The following ZFYVE26 variants were observed in gnomAD, a reference collection of about 807,000 sequenced individuals.
ZFYVE26 encodes zinc finger FYVE domain-containing protein 26.
In ZFYVE26, 181 loss-of-function variants were observed where a neutral mutation model predicts 276.5. That is an observed-to-expected ratio of 0.65 (90% CI 0.58 to 0.74). ZFYVE26 has a LOEUF of 0.74. ZFYVE26 is among the 30% of genes least tolerant of loss of function. The probability of loss-of-function intolerance (pLI) is 0.00; values close to 1 mark genes in which losing one functional copy is unlikely to be tolerated. For synonymous variants in ZFYVE26, 1,129 were observed against 1,203.1 expected, an observed-to-expected ratio of 0.94 and a Z score of 1.27; for missense variants, 2,821 against 3,097.9, an observed-to-expected ratio of 0.91 and a Z score of 2.12.
chr14:67,761,166 G>A (rs1287183684), intron 35 of ZFYVE26, 200 bp downstream of exon 35: 2 of 691,806 alleles, frequency 2.9e-6, no homozygotes, highest in Non-Finnish European at 5.3e-6. Context: ...GCAGTGATTT[G>A]GGATCTAGGC....
At position 67,798,476 on chromosome 14, in the gene ZFYVE26, G is replaced by T; in HGVS notation, c.1786C>A (p.Pro596Thr). Residue 596 changes from proline (P) to threonine (T), a missense_variant, in exon 11 of 42, where the codon CCT becomes ACT. Physicochemically the swap from Pro to Thr is conservative, Grantham distance 38. Transcript: ENST00000347230. ...TCATCATCCTCAGCATAGTCCTCAG[G>T]CAAGTGAGGCTCTGGGTGAAGATCA... Reference protein sequence around the residue: ...SADLHPEPHLPEDYAEDDDIE... With the variant: ...SADLHPEPHLTEDYAEDDDIE... 2 of 1,614,162 alleles carry T rather than the reference G, an allele frequency of 1.2e-6. No individual in the cohort carries two copies. Among genetic ancestry groups the T allele is most frequent in the Non-Finnish European group, 1.7e-6 (2 of 1,180,030 alleles).
rs1272539937 is a variant in ZFYVE26 at position 67,775,081 on chromosome 14, TG to T, written c.5254del (p.Gln1752ArgfsTer32). On this transcript the variant is annotated frameshift_variant, in exon 27 of 42. Transcript: ENST00000347230. LOFTEE classifies it high-confidence loss of function. ...AGGGAGGGTCTCGGGATCTGCAGCCTGGTGGACAATTTCTTGGAGGTGAATC... is the reference window on the plus strand; with the variant it reads ...AGGGAGGGTCTCGGGATCTGCAGCCTGTGGACAATTTCTTGGAGGTGAATC... ...SVIHLQEIVHQAADPETLPRS... is the reference protein window; with the variant it reads ...SVIHLQEIVHXAADPETLPRS... 3.7e-6 allele frequency: 6 copies of T among 1,611,712 alleles called. No individual in the cohort carries two copies. Among genetic ancestry groups the T allele is most frequent in the Non-Finnish European group, 5.1e-6 (6 of 1,179,368 alleles).
rs375371561 is a variant in ZFYVE26, at chr14:67,815,935, G to C, written c.29C>G (p.Ala10Gly). ...TCCAAAAAGCTGCTTCTGCGAAGCA[G>C]CTTCCTCTTTTCCAAATGGATGATT... MNHPFGKEEAASQKQLFGFF... is the reference protein window; with the variant it reads MNHPFGKEEGASQKQLFGFF... Residue 10 changes from alanine to glycine, a missense_variant, in exon 2 of 42, where the codon GCT (alanine) becomes GGT (glycine). Coordinates refer to ENST00000347230, the MANE Select transcript of ZFYVE26 (RefSeq NM_015346.4). 2.5e-6 allele frequency: 4 copies of C among 1,612,860 alleles called. No homozygotes were observed. In the African/African-American group the frequency reaches 5.3e-5, roughly 22 times the overall value.
In ZFYVE26 at chr14:67,753,150, C is replaced by T. The variant is rs114078325; in HGVS notation, c.7188+557G>A. On this transcript the variant is annotated intron_variant, in intron 39 of 41. Transcript: ENST00000347230. ...CACTCACAATGCATAAATACCCTGC[C>T]TGCCCTAAGCTGCCTGCTCTCAGCT... 7.3e-3 allele frequency among the ~76,000 whole-genome samples: 1,105 copies of T among 152,310 alleles called. 13 individuals are homozygous for T. The highest frequency in any genetic ancestry group is 0.025 in the African/African-American group (1,056 of 41,558).
intron 21 of ZFYVE26, 107 bp downstream of exon 21, chr14:67,782,673 A>T: frequency 6.5e-7 from 1 of 1,540,592 alleles, no homozygotes; most frequent in Non-Finnish European, 8.9e-7. Flanking sequence ...ATGAGATTAT[A>T]GTGGGGCTTC....
chr14:67,784,909 C>G, intron 19 of ZFYVE26, 150 bp downstream of exon 19: 1 of 837,198 alleles, frequency 1.2e-6, no homozygotes, highest in Non-Finnish European at 2.0e-6. Flanking sequence ...AGTAAAATAG[C>G]CAGAGATGAA....
chr14:67,777,740 T>G lies in ZFYVE26; in HGVS notation c.4798-5A>C. 1 of 1,614,234 alleles carries G rather than the reference T, an allele frequency of 6.2e-7. No homozygotes were observed. The highest frequency in any genetic ancestry group is 1.3e-5 in the African/African-American group (1 of 75,064). ...GTCAGGGATTCTTCGCAGGAGCTAT[T>G]GTCAAAGGGTAGAGGAGGAAGGTGT... On this transcript the variant is annotated splice_polypyrimidine_tract_variant and splice_region_variant and intron_variant, in intron 24 of 41. Transcript: ENST00000347230.
intron 36 of ZFYVE26, 144 bp from the exon 37 acceptor site, chr14:67,755,394 C>T: frequency 2.1e-6 from 2 of 947,234 alleles, no homozygotes; most frequent in Non-Finnish European, 1.6e-6. Flanking sequence ...CTATTTTGAG[C>T]CAGTCACCCC....
In ZFYVE26 at chr14:67,786,235, T is replaced by C. The variant is rs1470672632; in HGVS notation, c.3020-2A>G. The C allele has an allele frequency of 3.4e-6, 5 of 1,486,354 alleles. No homozygotes were observed. Among genetic ancestry groups the C allele is most frequent in the Non-Finnish European group, 4.5e-6 (5 of 1,101,136 alleles). 92.1% of individuals were successfully genotyped at this position (1,486,354 alleles called of 1,614,324 possible). The stretch of plus-strand genomic sequence containing the variant: ...GGAGTACGTGGTCTATCCGTCGACC[T>C]GGAAATAGATGAAGGAAGAGGGAAT... On this transcript the variant is annotated splice_acceptor_variant, in intron 16 of 41. Transcript: ENST00000347230. LOFTEE classifies it high-confidence loss of function.
At chr14:67,751,667 A>C (rs2038647953) in intron 40 of ZFYVE26, 1 of 178,594 alleles carries the variant, frequency 5.6e-6, no homozygotes, top group African/African-American at 2.4e-5. Flanking sequence ...AGGTCAGGAG[A>C]CGGAGACCAT....
intron 10 of ZFYVE26, chr14:67,799,653 A>C: frequency 7.6e-7 from 1 of 1,320,596 alleles, no homozygotes; most frequent in South Asian, 1.2e-5. Context: ...AATTGATGCC[A>C]TGGTAGGCAA....
chr14:67,774,925 A>C, intron 27 of ZFYVE26, 91 bp downstream of exon 27: 1 of 737,922 alleles, frequency 1.4e-6, no homozygotes, highest in Non-Finnish European at 2.1e-6. Flanking sequence ...CAATGAAAAA[A>C]AGAAGCAAAA....
rs1566863511 is a variant in ZFYVE26 at position 67,755,171 on chromosome 14, A to G, written c.6866T>C (p.Leu2289Pro). 1.9e-6 allele frequency: 3 copies of G among 1,614,150 alleles called. No homozygotes were observed. Reference protein sequence around the residue: ...AKSYTELGEKLSWLLKAKDHL... With the variant: ...AKSYTELGEKPSWLLKAKDHL... ...GTCCTTGGCCTTAAGTAGCCATGAG[A>G]GCTTCTCTCCCAGTTCTGTATATGA... Residue 2289 changes from leucine (L) to proline (P), a missense_variant, in exon 37 of 42, where the codon CTC (leucine) becomes CCC (proline). Transcript: ENST00000347230.
chr14:67,735,489 G>A (rs2038341752), intron 13 of ZFYVE26: 6 of 572,058 alleles, frequency 1.0e-5, no homozygotes, highest in Admixed American at 6.0e-5. Flanking sequence ...GACACCGTTC[G>A]ACCTTCCCAT....
In ZFYVE26 at chr14:67,762,303, A is replaced by T; in HGVS notation, c.6269T>A (p.Leu2090Gln). The change falls in exon 34 of 42, where the codon CTG becomes CAG. Residue 2090 changes from leucine (L) to glutamine (Q), a missense_variant. Transcript: ENST00000347230. ...CTGATTGAGGTCAAATGGGGGCTTCAGACAGCGACTGAACTTCTCCCGTGC... is the reference window on the plus strand; with the variant it reads ...CTGATTGAGGTCAAATGGGGGCTTCTGACAGCGACTGAACTTCTCCCGTGC... The part of the protein sequence containing the change: ...TAAREKFSRC[L>Q]KPPFDLNQLN... 6.2e-7 allele frequency: 1 copy of T among 1,614,198 alleles called. No homozygotes were observed. Among genetic ancestry groups the T allele is most frequent in the Non-Finnish European group, 8.5e-7 (1 of 1,180,036 alleles).
intron 39 of ZFYVE26, 31 bp downstream of exon 39, chr14:67,753,676 C>G (rs1258991232): frequency 1.2e-6 from 2 of 1,608,236 alleles, no homozygotes; most frequent in Admixed American, 3.3e-5. Flanking sequence ...GCTGATTGTC[C>G]TCAGTATGAT....
intron 12 of ZFYVE26, among the ~76,000 whole-genome samples, chr14:67,794,635 A>G (rs2039907196): frequency 6.6e-6 from 1 of 152,220 alleles, no homozygotes; most frequent in South Asian, 2.1e-4. Context: ...AGAAAAAGGT[A>G]TCTTCATACT....
At chr14:67,740,611 C>A (rs1439767823) in intron 13 of ZFYVE26, among the ~76,000 whole-genome samples, 1 of 152,124 alleles carries the variant, frequency 6.6e-6, no homozygotes, top group Non-Finnish European at 1.5e-5. Context: ...CACCTATACA[C>A]CTACCAGTTT....
Position 67,768,741 on chromosome 14 carries a change from T to C in ZFYVE26, c.5622-193A>G, listed in dbSNP as rs79661470. 2.6e-3 allele frequency among the ~76,000 whole-genome samples: 394 copies of C among 152,152 alleles called. 1 individual carries two copies. The highest frequency in any genetic ancestry group is 9.0e-3 in the African/African-American group (374 of 41,496). ...AAATCTCAGCAGTATGGTGTGTGGG[T>C]AATTCCTCCAGGAGGGAGGGAGGCA... On this transcript the variant is annotated intron_variant, in intron 29 of 41. Coordinates refer to ENST00000347230, the MANE Select transcript of ZFYVE26 (RefSeq NM_015346.4).
Sources: gnomAD v4.1 joint callset for allele counts (sites outside exome capture counted in the v4.1 genomes callset) on GRCh38, gnomAD v4.1.1 for gene constraint, MANE v1.5 for transcripts, NCBI Gene and HGNC (gene_info 2026-07-23, HGNC 2026-07-21) for gene names.